Variants in TDRD10 observed in about 807,000 individuals in gnomAD.
TDRD10 encodes tudor domain containing 10, also known as tudor domain-containing protein 10.
TDRD10 carries 40 observed loss-of-function variants against 48.0 expected under a neutral mutation model. That is an observed-to-expected ratio of 0.83 (90% CI 0.65 to 1.09). The LOEUF (loss-of-function observed/expected upper bound fraction) is 1.09. Ranked by LOEUF, TDRD10 falls within the 50% of genes least tolerant of loss-of-function variation. The pLI is 0.00. For synonymous variants in TDRD10, 162 were observed against 170.4 expected (o/e 0.95, Z 0.38); for missense variants, 378 against 434.7 (o/e 0.87, Z 1.16).
At chr1:154,523,864 A>C (rs1014120020) in intron 6 of TDRD10, among the ~76,000 whole-genome samples, 7 of 152,116 alleles carry the variant, frequency 4.6e-5, no homozygotes, top group Non-Finnish European at 1.0e-4. Context: ...CCACTCTTCC[A>C]AACTGACCTG....
In TDRD10 at chr1:154,508,425, T is replaced by C. The variant is rs745330193; in HGVS notation, c.85T>C (p.Phe29Leu). 2.6e-5 allele frequency: 42 copies of C among 1,605,608 alleles called. No homozygotes were observed. The Middle Eastern group carries it at 6.6e-4, about 25-fold the overall frequency. The stretch of plus-strand genomic sequence containing the variant: ...TTTAATGCTGTTTTTCTTCTTAGGA[T>C]TCAAGAAAAGAGAGACAGAGGTGTA... ...GVLEEQKSPG[F>L]KKRETEVYVG... Residue 29 changes from phenylalanine (F) to leucine (L), a missense_variant and splice_region_variant, in exon 4 of 13, where the codon TTC becomes CTC. Transcript: ENST00000368482.
chr1:154,527,767 C>G (rs1303773205), intron 6 of TDRD10, among the ~76,000 whole-genome samples: 1 of 152,192 alleles, frequency 6.6e-6, no homozygotes, highest in Admixed American at 6.5e-5. Flanking sequence ...AACAAAGGAT[C>G]AGGAAAGGTG....
At chr1:154,524,611 G>T (rs1694215890) in intron 6 of TDRD10, among the ~76,000 whole-genome samples, 1 of 152,152 alleles carries the variant, frequency 6.6e-6, no homozygotes, top group Non-Finnish European at 1.5e-5. Context: ...AAGGGTTTTT[G>T]TGTGTGTGTC....
At chr1:154,509,936 C>T in intron 4 of TDRD10, 1 of 914,152 alleles carries the variant, frequency 1.1e-6, no homozygotes, top group Non-Finnish European at 1.3e-6. Flanking sequence ...ATTCCAGAGC[C>T]CAGCACCTGG....
At position 154,507,227 on chromosome 1, in the gene TDRD10, C is replaced by A. The variant is rs1182883780; in HGVS notation, c.3-14C>A. On this transcript the variant is annotated splice_polypyrimidine_tract_variant and intron_variant, in intron 2 of 12. Coordinates refer to ENST00000368482, the MANE Select transcript of TDRD10 (RefSeq NM_182499.4). ...GAGCTTGGGAGGTTCGATGCTGACA[C>A]CTGTGTTTGACAGGTCCTGGAACAT... 8.1e-6 allele frequency: 13 copies of A among 1,613,842 alleles called. No individual in the cohort carries two copies. Among genetic ancestry groups the A allele is most frequent in the African/African-American group, 4.0e-5 (3 of 74,884 alleles).
In TDRD10 at chr1:154,531,275, C is replaced by T. The variant is rs138264406; in HGVS notation, c.369+9796C>T. Among the ~76,000 whole-genome samples, 35 of 152,312 alleles carry T rather than the reference C, an allele frequency of 2.3e-4. 1 individual carries two copies. The East Asian group carries it at 6.2e-3, about 27-fold the overall frequency. On this transcript the variant is annotated intron_variant, in intron 6 of 12. Transcript: ENST00000368482. ...TGTCAGGTAGTGCCAGCACCAGTGTCGTCTTGGCATTGGCAGGTATTGTCT... is the reference window on the plus strand; with the variant it reads ...TGTCAGGTAGTGCCAGCACCAGTGTTGTCTTGGCATTGGCAGGTATTGTCT...
intron 6 of TDRD10, among the ~76,000 whole-genome samples, chr1:154,531,361 C>G (rs531296156): frequency 2.6e-5 from 4 of 152,090 alleles, no homozygotes; most frequent in East Asian, 1.9e-4. Flanking sequence ...AGCCGCGGAC[C>G]CTTGCGGTAA....
chr1:154,532,974 C>A (rs1391327937), intron 6 of TDRD10, among the ~76,000 whole-genome samples: 1 of 152,200 alleles, frequency 6.6e-6, no homozygotes, highest in Non-Finnish European at 1.5e-5. Context: ...TCTGACACCC[C>A]CCCCAGTAGG....
At chr1:154,540,507 CAAAAAAAA>C (rs57375022) in intron 6 of TDRD10, among the ~76,000 whole-genome samples, 3 of 109,108 alleles carry the variant, frequency 2.7e-5, no homozygotes, top group East Asian at 2.5e-4. Context: ...CCCATCTCTA[CAAAAAAAA>C]AAAAAAAAAA....
intron 1 of TDRD10, 97 bp from the exon 2 acceptor site, chr1:154,506,780 G>T: frequency 9.5e-7 from 1 of 1,047,658 alleles, no homozygotes; most frequent in South Asian, 1.3e-5. Context: ...CTTTTGGTTG[G>T]GGAGGCATTA....
chr1:154,513,149 A>G (rs1459175943), intron 4 of TDRD10, among the ~76,000 whole-genome samples: 1 of 152,224 alleles, frequency 6.6e-6, no homozygotes, highest in Non-Finnish European at 1.5e-5. Context: ...TGTCCCATGC[A>G]CCAAAGACGG....
rs771050019 is a variant in TDRD10 at position 154,544,127 on chromosome 1, G to A, written c.651+17G>A. On this transcript the variant is annotated intron_variant, in intron 9 of 12. Transcript: ENST00000368482. Reference sequence around the variant, plus strand: ...GTCACTGAGGTATGGACTGGTTGTTGGCCCCCTCAGGCTCCTGTGCCTTCC... The same window carrying A: ...GTCACTGAGGTATGGACTGGTTGTTAGCCCCCTCAGGCTCCTGTGCCTTCC... The A allele has an allele frequency of 1.2e-6, 2 of 1,614,076 alleles. No individual in the cohort carries two copies. Among genetic ancestry groups the A allele is most frequent in the South Asian group, 2.2e-5 (2 of 91,070 alleles).
chr1:154,506,628 G>A lies in TDRD10; in HGVS notation c.-27-249G>A, dbSNP rs369900820. The stretch of plus-strand genomic sequence containing the variant: ...TGACCTCAGGTGATCCACCCGCCTC[G>A]GCCTCCCAAAGTGTTGGGGTTACAG... On this transcript the variant is annotated intron_variant, in intron 1 of 12. Coordinates refer to ENST00000368482, the MANE Select transcript of TDRD10 (RefSeq NM_182499.4). Among the ~76,000 whole-genome samples, 854 of 152,202 alleles carry A rather than the reference G, an allele frequency of 5.6e-3. 9 individuals carry two copies. Among genetic ancestry groups the A allele is most frequent in the African/African-American group, 0.019 (800 of 41,508 alleles).
chr1:154,510,956 G>C (rs1693434648), intron 4 of TDRD10, among the ~76,000 whole-genome samples: 1 of 151,524 alleles, frequency 6.6e-6, no homozygotes, highest in South Asian at 2.1e-4. Context: ...TGAGGCAGGA[G>C]AATGGTGTGA....
chr1:154,537,949 C>A (rs1695010191), intron 6 of TDRD10, among the ~76,000 whole-genome samples: 1 of 152,194 alleles, frequency 6.6e-6, no homozygotes. Context: ...ACTGCTCTTG[C>A]AGCTATTGAG....
intron 6 of TDRD10, among the ~76,000 whole-genome samples, chr1:154,533,808 C>T (rs1388130978): frequency 6.6e-6 from 1 of 151,512 alleles, no homozygotes; most frequent in African/African-American, 2.4e-5. Context: ...CTGATTTGGC[C>T]TCAAGCAATC....
intron 6 of TDRD10, among the ~76,000 whole-genome samples, chr1:154,530,487 C>T (rs1215200793): frequency 1.4e-5 from 2 of 138,210 alleles, no homozygotes; most frequent in Admixed American, 1.6e-4. Context: ...TCAGGCTGGT[C>T]TTGAACCCCT....
At chr1:154,544,984 A>G (rs781147506) in intron 11 of TDRD10, 35 bp downstream of exon 11, 68 of 1,607,270 alleles carry the variant, frequency 4.2e-5, no homozygotes, top group Non-Finnish European at 5.5e-5. Context: ...CAAGGGTTTC[A>G]GGGACAGGAG....
intron 4 of TDRD10, among the ~76,000 whole-genome samples, chr1:154,516,399 A>G (rs1295902738): frequency 6.6e-6 from 1 of 152,006 alleles, no homozygotes; most frequent in Non-Finnish European, 1.5e-5. Context: ...AGTCTTCCAC[A>G]TAGGGGGATG....
Sources: allele counts gnomAD v4.1 joint callset (sites outside exome capture counted in the v4.1 genomes callset), GRCh38; gene constraint gnomAD v4.1.1; transcripts MANE v1.5; gene names NCBI Gene and HGNC (gene_info 2026-07-23, HGNC 2026-07-21).